The following MMRN1 variants were observed in gnomAD, a reference collection of about 807,000 sequenced individuals.
The protein encoded by MMRN1 is multimerin-1.
MMRN1 carries 94 observed loss-of-function variants against 100.7 expected under a neutral mutation model. The observed-to-expected ratio is 0.93, with a 90% CI of 0.79 to 1.11. The LOEUF is 1.11. Ranked by LOEUF, MMRN1 falls within the 50% of genes least tolerant of loss-of-function variation. MMRN1 has a pLI of 0.00. For missense variants in MMRN1, 1,606 were observed against 1,439.1 expected, an observed-to-expected ratio of 1.12 and a Z score of -1.88; for synonymous variants, 575 against 505.0, an observed-to-expected ratio of 1.14 and a Z score of -1.86.
chr4:89,951,838 G>A, intron 7 of MMRN1, 87 bp downstream of exon 7: 1 of 1,446,596 alleles, frequency 6.9e-7, no homozygotes. Flanking sequence ...GAATATTTAA[G>A]CCTGCTTAAT....
At chr4:89,893,312 C>T (rs904101068), upstream of MMRN1, among the ~76,000 whole-genome samples, 3 of 148,042 alleles carry the variant, frequency 2.0e-5, no homozygotes, top group Non-Finnish European at 4.5e-5. Flanking sequence ...TAAATAAATA[C>T]TCTCTAGTAG....
At position 89,895,072 on chromosome 4, in the gene MMRN1, A is replaced by C. The variant is rs1376851890; in HGVS notation, c.101A>C (p.Asn34Thr). The C allele has an allele frequency of 6.2e-7, 1 of 1,613,882 alleles. No homozygotes were observed. Among genetic ancestry groups the C allele is most frequent in the East Asian group, 2.2e-5 (1 of 44,848 alleles). The change falls in exon 1 of 8, where the codon AAC becomes ACC. Residue 34 changes from asparagine to threonine, a missense_variant. Asn to Thr is a moderately conservative substitution (Grantham distance 65). Coordinates refer to ENST00000264790, the MANE Select transcript of MMRN1 (RefSeq NM_007351.3). ...TCTTGGACTATACCTGAGGATGGGA[A>C]CTCTCAGAAGACTATGCCTTCTGCT... ...KHSWTIPEDG[N>T]SQKTMPSASV...
chr4:89,888,932 T>G (rs984615733), intron 1 of MMRN1, among the ~76,000 whole-genome samples: 1 of 152,150 alleles, frequency 6.6e-6, no homozygotes, highest in African/African-American at 2.4e-5. Context: ...TTTTTAGGGT[T>G]TCTCTCTTGA....
At chr4:89,889,030 T>G (rs1288229893) in intron 1 of MMRN1, among the ~76,000 whole-genome samples, 1 of 152,158 alleles carries the variant, frequency 6.6e-6, no homozygotes, top group East Asian at 1.9e-4. Context: ...AAGGCTATAG[T>G]AAATAATATT....
chr4:89,924,408 T>C (rs543130791), intron 4 of MMRN1, among the ~76,000 whole-genome samples: 2 of 152,268 alleles, frequency 1.3e-5, no homozygotes, highest in East Asian at 3.9e-4. Context: ...GTCTTAACAT[T>C]CAAGTTGCCA....
intron 6 of MMRN1, among the ~76,000 whole-genome samples, chr4:89,937,019 T>C (rs923623371): frequency 6.6e-6 from 1 of 152,078 alleles, no homozygotes. Context: ...TATTTGGCTA[T>C]GTGTTTTTAA....
upstream of MMRN1, among the ~76,000 whole-genome samples, chr4:89,892,102 T>C (rs1468241516): frequency 1.3e-5 from 2 of 151,802 alleles, no homozygotes; most frequent in Non-Finnish European, 2.9e-5. Context: ...AAACCCATTA[T>C]CTCATCACCT....
chr4:89,933,660 C>T (rs1390424724), intron 5 of MMRN1, among the ~76,000 whole-genome samples: 2 of 152,076 alleles, frequency 1.3e-5, no homozygotes, highest in African/African-American at 2.4e-5. Context: ...CTTTATAAAA[C>T]CATCAGATCT....
At chr4:89,916,592 T>C (rs906111696) in intron 3 of MMRN1, among the ~76,000 whole-genome samples, 2 of 151,822 alleles carry the variant, frequency 1.3e-5, no homozygotes, top group Non-Finnish European at 1.5e-5. Context: ...TACTGAGGAA[T>C]GAATCATCAA....
rs376710973 is a variant in MMRN1, at chr4:89,936,390, A to G, written c.2710A>G (p.Lys904Glu). 2.9e-5 allele frequency: 46 copies of G among 1,608,978 alleles called. No individual in the cohort carries two copies. The South Asian group carries it at 4.8e-4, about 17-fold the overall frequency. Residue 904 changes from lysine (K) to glutamate (E), a missense_variant, in exon 6 of 8, where the codon AAG becomes GAG. Coordinates refer to ENST00000264790, the MANE Select transcript of MMRN1 (RefSeq NM_007351.3). ...ACTGCAAGTATTAAATTCCAGATTT[A>G]AGGCGTTGGAAGCAAAATCTATCCA... ...LQLQVLNSRF[K>E]ALEAKSIHLS...
intron 1 of MMRN1, among the ~76,000 whole-genome samples, chr4:89,907,829 G>GTTT (rs35010462): frequency 7.2e-6 from 1 of 139,350 alleles, no homozygotes. Flanking sequence ...CTGTTTTTTT[G>GTTT]TTTTTTTTTT....
intron 5 of MMRN1, among the ~76,000 whole-genome samples, chr4:89,928,710 A>G (rs1000619694): frequency 1.3e-5 from 2 of 152,156 alleles, no homozygotes; most frequent in Non-Finnish European, 2.9e-5. Flanking sequence ...ATCATCCTCC[A>G]TCTTTAAAGC....
At position 89,927,772 on chromosome 4, in the gene MMRN1, T is replaced by G. The variant is rs780335271; in HGVS notation, c.956-23T>G. On this transcript the variant is annotated intron_variant, in intron 4 of 7. Coordinates refer to ENST00000264790, the MANE Select transcript of MMRN1 (RefSeq NM_007351.3). ...GGTCAAAATATATTTTTTAATGGTC[T>G]CAATTTTCTCTTCTATATGCAGAAG... 1.9e-6 allele frequency: 3 copies of G among 1,591,838 alleles called. No homozygotes were observed. In the South Asian group the frequency reaches 3.5e-5, roughly 18 times the overall value.
intron 4 of MMRN1, among the ~76,000 whole-genome samples, chr4:89,926,978 G>A (rs752542319): frequency 3.3e-5 from 5 of 152,034 alleles, no homozygotes; most frequent in Non-Finnish European, 4.4e-5. Flanking sequence ...TATTCCATTG[G>A]TGTATTTGTC....
In MMRN1 at chr4:89,917,090, CGTGTGTGTGTTTGT is replaced by C. The variant is rs550376535; in HGVS notation, c.850+5051_850+5064del. Among the ~76,000 whole-genome samples, 253 of 151,488 alleles carry C rather than the reference CGTGTGTGTGTTTGT, an allele frequency of 1.7e-3. 1 individual carries two copies. The highest frequency in any genetic ancestry group is 5.7e-3 in the African/African-American group (238 of 41,410). On this transcript the variant is annotated intron_variant, in intron 3 of 7. Transcript: ENST00000264790. ...GAGTTAAAATCCCCCCACACATCCT[CGTGTGTGTGTTTGT>C]GTGTGTGTGTATGTGTGAAAGAGAC...
chr4:89,892,446 A>G (rs934302971), upstream of MMRN1, among the ~76,000 whole-genome samples: 3 of 151,708 alleles, frequency 2.0e-5, no homozygotes, highest in African/African-American at 7.3e-5. Flanking sequence ...TCTCAGCAAT[A>G]TTATTTTTCT....
intron 1 of MMRN1, among the ~76,000 whole-genome samples, chr4:89,903,149 TC>T (rs1374714597): frequency 6.6e-6 from 1 of 151,906 alleles, no homozygotes; most frequent in Non-Finnish European, 1.5e-5. Context: ...TTATCTTTTT[TC>T]ATGTATATAT....
At chr4:89,918,205 T>C (rs753523848) in intron 3 of MMRN1, among the ~76,000 whole-genome samples, 1 of 151,208 alleles carries the variant, frequency 6.6e-6, no homozygotes, top group Non-Finnish European at 1.5e-5. Context: ...CAAATGTATA[T>C]TTATAGAATA....
chr4:89,950,303 G>A (rs1242637909), intron 6 of MMRN1, among the ~76,000 whole-genome samples: 1 of 152,098 alleles, frequency 6.6e-6, no homozygotes, highest in African/African-American at 2.4e-5. Context: ...ATTTTGAATT[G>A]AAGAATTGTC....
Sources: allele counts gnomAD v4.1 joint callset (sites outside exome capture counted in the v4.1 genomes callset), GRCh38; gene constraint gnomAD v4.1.1; transcripts MANE v1.5; gene names NCBI Gene and HGNC (gene_info 2026-07-23, HGNC 2026-07-21).